METAP1D: variants seen among roughly 807,000 people sequenced by gnomAD.
METAP1D encodes the protein methionine aminopeptidase 1D, mitochondrial.
In METAP1D, 31 loss-of-function variants were observed where a neutral mutation model predicts 40.5. The ratio of observed to expected loss-of-function variants is 0.77; its 90% confidence interval spans 0.58 to 1.03. The LOEUF (loss-of-function observed/expected upper bound fraction) is 1.03, where lower values mean the gene tolerates loss of function less well. METAP1D is among the 50% of genes least tolerant of loss of function. The pLI, the probability that METAP1D is intolerant of heterozygous loss-of-function variation, is 0.00. For synonymous variants in METAP1D, 151 were observed against 146.4 expected, an observed-to-expected ratio of 1.03 and a Z score of -0.22; for missense variants, 411 against 420.7, an observed-to-expected ratio of 0.98 and a Z score of 0.20.
At position 172,018,517 on chromosome 2, in the gene METAP1D, C is replaced by T. The variant is rs181619021; in HGVS notation, c.40+18508C>T. On this transcript the variant is annotated intron_variant, in intron 1 of 9. Transcript: ENST00000315796. ...ACTAAAACGAAGAACTGCTAACCTC[C>T]AGATCTCATACTCTACAAAATGTAA... is the stretch of plus-strand genomic sequence containing the variant. 2.0e-5 allele frequency among the ~76,000 whole-genome samples: 3 copies of T among 152,282 alleles called. No homozygotes were observed. The East Asian group carries it at 5.8e-4, about 29-fold the overall frequency.
chr2:172,037,110 A>G (rs949809259), intron 1 of METAP1D, among the ~76,000 whole-genome samples: 1 of 152,044 alleles, frequency 6.6e-6, no homozygotes, highest in African/African-American at 2.4e-5. Context: ...AAATACAAAA[A>G]CATTAGCTGG....
rs1395634048 is a variant in METAP1D, at chr2:172,000,862, G to A, written c.40+853G>A. Among the ~76,000 whole-genome samples, 5 of 152,110 alleles carry A rather than the reference G, an allele frequency of 3.3e-5. No individual in the cohort carries two copies. In the South Asian group the frequency reaches 1.0e-3, roughly 32 times the overall value. ...AAAAAATTTTAAAAATTAGTCGGGC[G>A]TGGTGACACATGCCTGTAGTCTCAG... On this transcript the variant is annotated intron_variant, in intron 1 of 9. Transcript: ENST00000315796.
At position 172,077,784 on chromosome 2, in the gene METAP1D, G is replaced by T. The variant is rs1201512088; in HGVS notation, c.705-13G>T. ...ATCTAATTTAATTAAATATTTTTTG[G>T]TCACTTTTAAAGCCACATAACTCAT... is the stretch of plus-strand genomic sequence containing the variant. On this transcript the variant is annotated splice_polypyrimidine_tract_variant and intron_variant, in intron 6 of 9. Coordinates refer to ENST00000315796, the MANE Select transcript of METAP1D (RefSeq NM_199227.3). 4.2e-6 allele frequency: 6 copies of T among 1,424,290 alleles called. No homozygotes were observed. The highest frequency in any genetic ancestry group is 4.2e-5 in the Admixed American group (2 of 48,046). 88.2% of individuals were successfully genotyped at this position (1,424,290 alleles called of 1,614,324 possible). A position where few individuals can be genotyped will look rare whatever the true frequency, so the allele number is the denominator to read the frequency against.
intron 3 of METAP1D, 170 bp downstream of exon 3, chr2:172,064,030 A>G: frequency 1.3e-6 from 1 of 775,424 alleles, no homozygotes; most frequent in Non-Finnish European, 1.8e-6. Context: ...GGATGGGGAA[A>G]AGGAATTTTA....
rs576574231 is a variant in METAP1D, at chr2:172,081,008, T to C, written c.*602T>C. ...AAAGATTAGCCCGCGAACAGAGGCA[T>C]TGATTACAAACATGTCCTTGGCAGT... On this transcript the variant is annotated 3_prime_UTR_variant, in exon 10 of 10. Transcript: ENST00000315796. The C allele has an allele frequency of 1.9e-5, 3 of 159,106 alleles. No individual in the cohort carries two copies. Among genetic ancestry groups the C allele is most frequent in the African/African-American group, 4.8e-5 (2 of 41,572 alleles). The allele number at this position is 159,106 out of a possible 1,614,324, so 9.9% of individuals were successfully genotyped here.
At chr2:172,041,731 TA>T (rs1689534684) in intron 1 of METAP1D, among the ~76,000 whole-genome samples, 3 of 29,622 alleles carry the variant, frequency 1.0e-4, no homozygotes, top group East Asian at 3.6e-3. Flanking sequence ...TTATTTTATA[TA>T]TATATATATA....
At chr2:172,059,131 C>CA (rs1690070160) in intron 1 of METAP1D, among the ~76,000 whole-genome samples, 1 of 147,782 alleles carries the variant, frequency 6.8e-6, no homozygotes, top group African/African-American at 2.5e-5. Flanking sequence ...TTTTCTGAGA[C>CA]AGAGTCTTGC....
At chr2:172,004,277 A>G (rs6718013) in intron 1 of METAP1D, among the ~76,000 whole-genome samples, 65,213 of 151,772 alleles carry the variant, frequency 0.43, 15,536 homozygotes, top group Middle Eastern at 0.59. Context: ...GCTATCTTGT[A>G]TAGCTTCTGC....
At chr2:172,001,609 G>T (rs528221685) in intron 1 of METAP1D, among the ~76,000 whole-genome samples, 1 of 151,960 alleles carries the variant, frequency 6.6e-6, no homozygotes, top group South Asian at 2.1e-4. Context: ...GAGGAAGAAG[G>T]TTGGTAATCG....
chr2:172,058,347 C>T (rs1478361103), intron 1 of METAP1D, among the ~76,000 whole-genome samples: 2 of 152,198 alleles, frequency 1.3e-5, no homozygotes, highest in East Asian at 3.8e-4. Context: ...AATGAAGAAA[C>T]TTGTGCAGGG....
intron 6 of METAP1D, among the ~76,000 whole-genome samples, chr2:172,077,546 T>C (rs992743775): frequency 6.6e-6 from 1 of 152,144 alleles, no homozygotes; most frequent in Non-Finnish European, 1.5e-5. Context: ...TGTACAAAGG[T>C]AAATGACTCA....
intron 1 of METAP1D, among the ~76,000 whole-genome samples, chr2:172,043,970 G>C (rs562696746): frequency 1.5e-5 from 2 of 134,670 alleles, no homozygotes; most frequent in South Asian, 2.4e-4. Context: ...GCATGTGCCT[G>C]TAGTCCCAGC....
At chr2:172,036,845 A>G (rs1689404114) in intron 1 of METAP1D, among the ~76,000 whole-genome samples, 1 of 152,242 alleles carries the variant, frequency 6.6e-6, no homozygotes, top group South Asian at 2.1e-4. Context: ...GTTTTCCCAC[A>G]TCTTCAACCT....
chr2:172,027,999 A>G (rs1689156605), intron 1 of METAP1D, among the ~76,000 whole-genome samples: 1 of 152,222 alleles, frequency 6.6e-6, no homozygotes, highest in African/African-American at 2.4e-5. Flanking sequence ...TAAATGTGCT[A>G]GGTCCCCTGG....
At chr2:172,075,588 C>G (rs1164930120) in intron 6 of METAP1D, among the ~76,000 whole-genome samples, 2 of 152,188 alleles carry the variant, frequency 1.3e-5, no homozygotes, top group Non-Finnish European at 2.9e-5. Flanking sequence ...TGGATTGTCT[C>G]TGTGAATTTG....
chr2:172,053,958 C>T (rs1689943419), intron 1 of METAP1D, among the ~76,000 whole-genome samples: 1 of 152,118 alleles, frequency 6.6e-6, no homozygotes, highest in Non-Finnish European at 1.5e-5. Context: ...AAATAATAAG[C>T]ATTTTAAATG....
At chr2:172,060,030 G>A (rs1188881332) in intron 1 of METAP1D, among the ~76,000 whole-genome samples, 3 of 151,854 alleles carry the variant, frequency 2.0e-5, no homozygotes, top group African/African-American at 4.8e-5. Context: ...CAGCCTGGGC[G>A]ACTGAGTGAG....
At chr2:172,036,654 C>T (rs1184832482) in intron 1 of METAP1D, among the ~76,000 whole-genome samples, 3 of 151,930 alleles carry the variant, frequency 2.0e-5, no homozygotes, top group African/African-American at 4.8e-5. Flanking sequence ...CGTGAGCCAC[C>T]GCACCCGGCC....
chr2:172,079,200 T>G lies in METAP1D; in HGVS notation c.803-15T>G. The G allele has an allele frequency of 1.2e-6, 2 of 1,613,610 alleles. No individual in the cohort carries two copies. Among genetic ancestry groups the G allele is most frequent in the African/African-American group, 2.7e-5 (2 of 75,014 alleles). ...CCATTTCCTATTCTCACCCCCCATG[T>G]TTTTTGTTTTGCAGCAAACGACAGT... On this transcript the variant is annotated splice_polypyrimidine_tract_variant and intron_variant, in intron 7 of 9. Transcript: ENST00000315796.
Sources: allele counts gnomAD v4.1 joint callset (sites outside exome capture counted in the v4.1 genomes callset), GRCh38; gene constraint gnomAD v4.1.1; transcripts MANE v1.5; gene names NCBI Gene and HGNC (gene_info 2026-07-23, HGNC 2026-07-21).